HEG1: variants seen among roughly 807,000 people sequenced by gnomAD.
HEG1 encodes the protein protein HEG homolog 1.
HEG1 carries 56 observed loss-of-function variants against 125.6 expected under a neutral mutation model. That is an observed-to-expected ratio of 0.45 (90% CI 0.36 to 0.56). The LOEUF (loss-of-function observed/expected upper bound fraction) is 0.56. Among genes scored for constraint, HEG1 ranks in the 20% least tolerant of loss-of-function variants. The pLI is 0.00. For synonymous variants in HEG1, 644 were observed against 668.5 expected, an observed-to-expected ratio of 0.96 and a Z score of 0.57; for missense variants, 1,523 against 1,670.0, an observed-to-expected ratio of 0.91 and a Z score of 1.53.
At chr3:124,970,890 T>C in intron 16 of HEG1, 89 bp from the exon 17 acceptor site, 1 of 1,114,482 alleles carries the variant, frequency 9.0e-7, no homozygotes. Flanking sequence ...TAGACCAATG[T>C]AAGAAAAGAT....
At position 124,970,821 on chromosome 3, in the gene HEG1, G is replaced by C. The variant is rs778332217; in HGVS notation, c.3997-20C>G. On this transcript the variant is annotated intron_variant, in intron 16 of 16. Coordinates refer to ENST00000311127, the MANE Select transcript of HEG1 (RefSeq NM_020733.2). ...TGTAGGCTGGTTGCCAAAGAGAAAA[G>C]AAGAAAAGTCAATTTATCATTCTTG... is the stretch of plus-strand genomic sequence containing the variant. The C allele has an allele frequency of 2.5e-6, 4 of 1,596,144 alleles. No individual in the cohort carries two copies. The East Asian group carries it at 9.0e-5, about 36-fold the overall frequency.
In HEG1 at chr3:125,027,420, T is replaced by G; in HGVS notation, c.698A>C (p.Glu233Ala). 6.2e-7 allele frequency: 1 copy of G among 1,614,016 alleles called. No individual in the cohort carries two copies. Among genetic ancestry groups the G allele is most frequent in the Non-Finnish European group, 8.5e-7 (1 of 1,179,874 alleles). Residue 233 changes from glutamate to alanine, a missense_variant, in exon 3 of 17, where the codon GAG becomes GCG. Transcript: ENST00000311127. The part of the protein sequence containing the change: ...AFQTKSGTAS[E>A]MGTERAMGLS... ...CCCCATCGCCCTCTCTGTTCCCATC[T>G]CCGAGGCTGTTCCACTCTTTGTTTG...
chr3:124,994,997 A>T (rs1409050443), intron 12 of HEG1, among the ~76,000 whole-genome samples: 1 of 152,216 alleles, frequency 6.6e-6, no homozygotes, highest in African/African-American at 2.4e-5. Context: ...GAGACATGCA[A>T]ACAGGTTGTG....
intron 5 of HEG1, chr3:125,014,768 CACGTTT>C: frequency 1.6e-6 from 2 of 1,289,262 alleles, no homozygotes; most frequent in Non-Finnish European, 2.0e-6. Flanking sequence ...TGTCGTCCGT[CACGTTT>C]ACGTGCAGAG....
rs1234219170 is a variant in HEG1, at chr3:124,990,934, T to C, written c.3695+10A>G. 8 of 1,557,428 alleles carry C rather than the reference T, an allele frequency of 5.1e-6. No individual in the cohort carries two copies. Among genetic ancestry groups the C allele is most frequent in the Non-Finnish European group, 7.0e-6 (8 of 1,149,318 alleles). The stretch of plus-strand genomic sequence containing the variant: ...GTAACAAAATTAGACTAAATCAACA[T>C]GGAGCCTACCTCATGCAGGTTTCAT... On this transcript the variant is annotated intron_variant, in intron 13 of 16. Transcript: ENST00000311127.
intron 15 of HEG1, among the ~76,000 whole-genome samples, chr3:124,976,092 C>A (rs1370148653): frequency 6.6e-6 from 1 of 152,180 alleles, no homozygotes; most frequent in East Asian, 1.9e-4. Context: ...TTTTTCAAAG[C>A]GGCTGCACCA....
chr3:125,053,187 C>T (rs1284750514), intron 1 of HEG1, among the ~76,000 whole-genome samples: 1 of 152,178 alleles, frequency 6.6e-6, no homozygotes, highest in African/African-American at 2.4e-5. Context: ...TTGCATGGGA[C>T]ACATTGCAGA....
intron 2 of HEG1, among the ~76,000 whole-genome samples, chr3:125,028,386 C>T (rs2107707060): frequency 6.6e-6 from 1 of 152,348 alleles, no homozygotes; most frequent in South Asian, 2.1e-4. Flanking sequence ...TGTTCCTCCT[C>T]TCCTTTGTGG....
Position 125,013,075 on chromosome 3 carries a change from A to C in HEG1, c.2504T>G (p.Leu835Ter). Residue 835 changes from leucine to a stop codon, truncating the protein, a stop_gained, in exon 6 of 17, where the codon TTA becomes TGA. Transcript: ENST00000311127. LOFTEE classifies it high-confidence loss of function. Reference sequence around the variant, plus strand: ...TGTGAAAGTTGGAGACATTTGTGCTAAGTTGGTGCTTGTGGCTGGAAGGGT... The same window carrying C: ...TGTGAAAGTTGGAGACATTTGTGCTCAGTTGGTGCTTGTGGCTGGAAGGGT... Reference protein sequence around the residue: ...EQTLPATSTNLAQMSPTFTTT... With the variant: ...EQTLPATSTN 1 of 1,613,952 alleles carries C rather than the reference A, an allele frequency of 6.2e-7. No individual in the cohort carries two copies. The highest frequency in any genetic ancestry group is 8.5e-7 in the Non-Finnish European group (1 of 1,179,872).
At chr3:125,024,922 C>A (rs910339301) in intron 3 of HEG1, among the ~76,000 whole-genome samples, 17 of 152,246 alleles carry the variant, frequency 1.1e-4, no homozygotes, top group Admixed American at 5.9e-4. Context: ...TGAGGCGCAT[C>A]ACTCATCGGA....
chr3:124,968,921 A>G lies in HEG1; in HGVS notation c.*1731T>C, dbSNP rs1014064985. The G allele has an allele frequency of 9.2e-5, 14 of 152,204 alleles. No individual in the cohort carries two copies. Among genetic ancestry groups the G allele is most frequent in the African/African-American group, 3.4e-4 (14 of 41,442 alleles). 9.4% of individuals were successfully genotyped at this position (152,204 alleles called of 1,614,324 possible). A position where few individuals can be genotyped will look rare whatever the true frequency, so the allele number is the denominator to read the frequency against. ...TTTATTTATCTCATGGATAAGTGCA[A>G]TGTAACTACTAAAATGCACCTCCCC... On this transcript the variant is annotated 3_prime_UTR_variant, in exon 17 of 17. Transcript: ENST00000311127.
intron 11 of HEG1, among the ~76,000 whole-genome samples, chr3:124,999,231 A>C (rs1165026445): frequency 6.6e-6 from 1 of 152,226 alleles, no homozygotes; most frequent in African/African-American, 2.4e-5. Context: ...TAGCGTGCTC[A>C]ATCAGAACCA....
At position 124,970,121 on chromosome 3, in the gene HEG1, G is replaced by A. The variant is rs1936399656; in HGVS notation, c.*531C>T. 1 of 153,182 alleles carries A rather than the reference G, an allele frequency of 6.5e-6. No homozygotes were observed. Among genetic ancestry groups the A allele is most frequent in the African/African-American group, 2.4e-5 (1 of 41,422 alleles). 9.5% of individuals were successfully genotyped at this position (153,182 alleles called of 1,614,324 possible). The stretch of plus-strand genomic sequence containing the variant: ...AATGGCGACATCTTCAGACTTCAGT[G>A]GTACGCTCATCCTCATCTGTTGTTT... On this transcript the variant is annotated 3_prime_UTR_variant, in exon 17 of 17. Coordinates refer to ENST00000311127, the MANE Select transcript of HEG1 (RefSeq NM_020733.2).
chr3:125,051,929 C>A (rs1417484895), intron 1 of HEG1, among the ~76,000 whole-genome samples: 1 of 152,162 alleles, frequency 6.6e-6, no homozygotes, highest in Non-Finnish European at 1.5e-5. Flanking sequence ...CCTTCCCCAG[C>A]CTCCAGGACA....
chr3:125,055,929 GGGGCGAGGGCAGC>G lies in HEG1; in HGVS notation c.-52_-40del. On this transcript the variant is annotated 5_prime_UTR_variant, in exon 1 of 17. Coordinates refer to ENST00000311127, the MANE Select transcript of HEG1 (RefSeq NM_020733.2). ...GCCCGCGCTCACATGCCCGGCGCGCGGGGCGAGGGCAGCGGGCAGCGGGCAGCGGGCGGCGGGG... is the reference window on the plus strand; with the variant it reads ...GCCCGCGCTCACATGCCCGGCGCGCGGGGCAGCGGGCAGCGGGCGGCGGGG... The G allele has an allele frequency of 1.1e-6, 1 of 950,348 alleles. No individual in the cohort carries two copies. The highest frequency in any genetic ancestry group is 1.2e-6 in the Non-Finnish European group (1 of 809,182). The allele number at this position is 950,348 out of a possible 1,614,324, so 58.9% of individuals were successfully genotyped here. A position where few individuals can be genotyped will look rare whatever the true frequency, so the allele number is the denominator to read the frequency against.
chr3:125,019,341 T>A lies in HEG1; in HGVS notation c.1509A>T (p.Gly503=). 6.2e-7 allele frequency: 1 copy of A among 1,613,982 alleles called. No homozygotes were observed. The highest frequency in any genetic ancestry group is 8.5e-7 in the Non-Finnish European group (1 of 1,179,872). The change falls in exon 5 of 17, where the codon GGA becomes GGT. Residue 503 remains glycine (G), a synonymous_variant. Transcript: ENST00000311127. ...VQSGGSHTAL[G]DRSYSESSST... is the part of the protein sequence containing the mutation. Reference sequence around the variant, plus strand: ...ATGAAGACTCTGAATAACTCCTATCTCCCAATGCTGTGTGACTTCCTCCAG... The same window carrying A: ...ATGAAGACTCTGAATAACTCCTATCACCCAATGCTGTGTGACTTCCTCCAG...
intron 1 of HEG1, among the ~76,000 whole-genome samples, chr3:125,036,378 T>A (rs571456408): frequency 6.6e-6 from 1 of 151,622 alleles, no homozygotes; most frequent in East Asian, 1.9e-4. Flanking sequence ...ATGGAAAAAA[T>A]TACTAAGATA....
chr3:125,048,809 G>A (rs191766571), intron 1 of HEG1, among the ~76,000 whole-genome samples: 6 of 152,358 alleles, frequency 3.9e-5, no homozygotes, highest in Non-Finnish European at 7.3e-5. Context: ...GAGCAGTGGG[G>A]AGGAAGAGAG....
chr3:124,983,763 C>T (rs1936692623), intron 14 of HEG1, among the ~76,000 whole-genome samples: 1 of 152,190 alleles, frequency 6.6e-6, no homozygotes, highest in Non-Finnish European at 1.5e-5. Context: ...CCGGTGCCCA[C>T]CACTCTCCAC....
Sources: allele counts gnomAD v4.1 joint callset (sites outside exome capture counted in the v4.1 genomes callset), GRCh38; gene constraint gnomAD v4.1.1; transcripts MANE v1.5; gene names NCBI Gene and HGNC (gene_info 2026-07-23, HGNC 2026-07-21).